Variants in STK3 observed in about 807,000 individuals in gnomAD.
STK3 encodes serine/threonine-protein kinase 3.
A neutral mutation model predicts 58.0 loss-of-function variants in STK3; 41 were observed. That is an observed-to-expected ratio of 0.71 (90% CI 0.55 to 0.92). The LOEUF (loss-of-function observed/expected upper bound fraction) is 0.92. Ranked by LOEUF, STK3 falls within the 40% of genes least tolerant of loss-of-function variation. STK3 has a pLI of 0.00. For missense variants in STK3, 479 were observed against 602.7 expected (o/e 0.79, Z 2.15); for synonymous variants, 170 against 191.0 (o/e 0.89, Z 0.91).
At chr8:98,715,085 A>C (rs1826885576) in intron 4 of STK3, among the ~76,000 whole-genome samples, 1 of 152,236 alleles carries the variant, frequency 6.6e-6, no homozygotes, top group South Asian at 2.1e-4. Flanking sequence ...CCATATGAAG[A>C]AAGCTGAAAC....
At chr8:98,463,970 A>C (rs1305033185) in intron 10 of STK3, among the ~76,000 whole-genome samples, 4 of 152,184 alleles carry the variant, frequency 2.6e-5, no homozygotes, top group African/African-American at 9.6e-5. Flanking sequence ...ACATTTAGTC[A>C]AACAGTCAAT....
chr8:98,587,474 A>G (rs1466470243), intron 7 of STK3, among the ~76,000 whole-genome samples: 1 of 151,956 alleles, frequency 6.6e-6, no homozygotes, highest in Non-Finnish European at 1.5e-5. Context: ...AGTTTGTTAT[A>G]ATTTCTGTTC....
chr8:98,738,963 C>T (rs570421289), intron 4 of STK3, among the ~76,000 whole-genome samples: 105 of 152,358 alleles, frequency 6.9e-4, no homozygotes, highest in African/African-American at 2.1e-3. Context: ...TCGGAGGGTC[C>T]TACGCCCAAG....
At position 98,428,784 on chromosome 8, in the gene STK3, G is replaced by C; in HGVS notation, n.483+5343C>G. ...AAACCTTATTGACCTCATGTCCATC[G>C]TCCCCTTTTACATCACTCTGGTGGT... On this transcript the variant is annotated intron_variant and non_coding_transcript_variant, in intron 3 of 3. Transcript: ENST00000517832. This position sits in a 1 kb window ranked among gnomAD's most constrained non-coding sequence, Gnocchi z 6.7. 6.2e-7 allele frequency: 1 copy of C among 1,614,126 alleles called. No individual in the cohort carries two copies. The highest frequency in any genetic ancestry group is 8.5e-7 in the Non-Finnish European group (1 of 1,180,034).
intron 8 of STK3, among the ~76,000 whole-genome samples, chr8:98,566,109 A>G (rs565457075): frequency 6.6e-6 from 1 of 152,300 alleles, no homozygotes; most frequent in African/African-American, 2.4e-5. Context: ...ATACATTCTC[A>G]TCAGACAAGC....
At chr8:98,538,291 C>T (rs566025111) in intron 9 of STK3, among the ~76,000 whole-genome samples, 1 of 152,150 alleles carries the variant, frequency 6.6e-6, no homozygotes, top group African/African-American at 2.4e-5. Context: ...AACACAGAAG[C>T]TACTGACATC....
intron 1 of STK3, among the ~76,000 whole-genome samples, chr8:98,793,209 C>T (rs995901499): frequency 3.9e-5 from 6 of 151,972 alleles, no homozygotes; most frequent in Non-Finnish European, 4.4e-5. Flanking sequence ...GGATAAAAGA[C>T]GACAAATTGG....
chr8:98,571,060 T>C (rs1563751484), intron 8 of STK3, among the ~76,000 whole-genome samples: 1 of 152,222 alleles, frequency 6.6e-6, no homozygotes, highest in South Asian at 2.1e-4. Flanking sequence ...CCAGAAACAG[T>C]GGCTCAGGCC....
intron 1 of STK3, among the ~76,000 whole-genome samples, chr8:98,802,561 T>C (rs902122643): frequency 6.6e-6 from 1 of 152,180 alleles, no homozygotes; most frequent in African/African-American, 2.4e-5. Context: ...TGCTAAACTA[T>C]GTTTAAAGTT....
chr8:98,549,683 T>C (rs1248067451), intron 8 of STK3, among the ~76,000 whole-genome samples: 4 of 152,030 alleles, frequency 2.6e-5, no homozygotes, highest in African/African-American at 9.7e-5. Flanking sequence ...TTAAAAGTGC[T>C]CTTTAGAACA....
chr8:98,741,186 C>A (rs1829174478), intron 4 of STK3, among the ~76,000 whole-genome samples: 1 of 152,108 alleles, frequency 6.6e-6, no homozygotes, highest in Non-Finnish European at 1.5e-5. Flanking sequence ...GACAGATCAA[C>A]CAGACAGAAA....
chr8:98,670,361 C>CA (rs1187330086), intron 6 of STK3, among the ~76,000 whole-genome samples: 1 of 149,866 alleles, frequency 6.7e-6, no homozygotes, highest in Non-Finnish European at 1.5e-5. Flanking sequence ...GGCCTCATCT[C>CA]AAAAAAAGAA....
rs1345272410 is a variant in STK3 at position 98,767,275 on chromosome 8, G to C, written c.204C>G (p.Ile68Met). 6.2e-7 allele frequency: 1 copy of C among 1,610,378 alleles called. No individual in the cohort carries two copies. The stretch of plus-strand genomic sequence containing the variant: ...ATTGCTGCATTATGGAAATTTCTTT[G>C]ATTATTTCCTGAAGATCTGATTCAA... The part of the protein sequence containing the change: ...VPVESDLQEI[I>M]KEISIMQQCD... Residue 68 changes from isoleucine (I) to methionine (M), a missense_variant, in exon 3 of 11, where the codon ATC (isoleucine) becomes ATG (methionine). Coordinates refer to ENST00000419617, the MANE Select transcript of STK3 (RefSeq NM_006281.4).
At chr8:98,672,777 T>TA (rs1156952716) in intron 6 of STK3, among the ~76,000 whole-genome samples, 1 of 152,212 alleles carries the variant, frequency 6.6e-6, no homozygotes, top group Non-Finnish European at 1.5e-5. Context: ...TAGGTGGCTA[T>TA]ACAGTTAATG....
At chr8:98,741,316 C>T (rs536143162) in intron 4 of STK3, among the ~76,000 whole-genome samples, 2,191 of 152,268 alleles carry the variant, frequency 0.014, 21 homozygotes, top group Non-Finnish European at 0.021. Context: ...CACACCACAC[C>T]TGTTCCAAAA....
At chr8:98,354,941 C>T in the STK3 span, among the ~76,000 whole-genome samples, 1 of 152,124 alleles carries the variant, frequency 6.6e-6, no homozygotes, top group Non-Finnish European at 1.5e-5. Context: ...CCACGCCTGG[C>T]TAATTTTTGT....
At chr8:98,682,893 C>T (rs549144783) in intron 6 of STK3, among the ~76,000 whole-genome samples, 42 of 152,176 alleles carry the variant, frequency 2.8e-4, no homozygotes, top group African/African-American at 9.6e-4. Context: ...GCACACCTAG[C>T]TATTTATGTC....
In STK3 at chr8:98,705,108, A is replaced by T. The variant is rs554743083; in HGVS notation, c.684+1359T>A. ...GGAATTTATATACACCAGGAAGATG[A>T]TACATATTGTATACAATTACATTAC... On this transcript the variant is annotated intron_variant, in intron 6 of 10. Transcript: ENST00000419617. 9.2e-5 allele frequency among the ~76,000 whole-genome samples: 14 copies of T among 152,320 alleles called. No individual in the cohort carries two copies. In the East Asian group the frequency reaches 2.7e-3, roughly 29 times the overall value.
At chr8:98,626,847 A>G (rs527947150) in intron 6 of STK3, among the ~76,000 whole-genome samples, 2 of 152,150 alleles carry the variant, frequency 1.3e-5, no homozygotes, top group Non-Finnish European at 2.9e-5. Flanking sequence ...CAGCTTCCCA[A>G]ACTAGAAACT....
Sources: allele counts gnomAD v4.1 joint callset (sites outside exome capture counted in the v4.1 genomes callset), GRCh38; gene constraint gnomAD v4.1.1; non-coding constraint Gnocchi (gnomAD v3.1); transcripts MANE v1.5; gene names NCBI Gene and HGNC (gene_info 2026-07-23, HGNC 2026-07-21).